Variants in RAB38 observed in about 807,000 individuals in gnomAD.
RAB38 encodes RAB38, member RAS oncogene family.
Under a neutral mutation model 18.4 loss-of-function variants are expected in RAB38, and 15 were observed. The ratio of observed to expected loss-of-function variants is 0.82; its 90% CI spans 0.55 to 1.26. The LOEUF is 1.26. Ranked by LOEUF, RAB38 falls within the 50% of genes most tolerant of loss-of-function variation. The probability of loss-of-function intolerance (pLI) is 0.00; values close to 1 mark genes in which losing one functional copy is unlikely to be tolerated. For missense variants in RAB38, 294 were observed against 267.4 expected (o/e 1.10, Z -0.69); for synonymous variants, 101 against 104.4 (o/e 0.97, Z 0.20).
At chr11:87,861,680 G>A in the RAB38 span, among the ~76,000 whole-genome samples, 11 of 151,898 alleles carry the variant, frequency 7.2e-5, no homozygotes, top group Admixed American at 2.6e-4. Flanking sequence ...CCCTCATAGC[G>A]AGTCCTCCAC....
At chr11:88,106,883 A>G in the RAB38 span, among the ~76,000 whole-genome samples, 1 of 152,190 alleles carries the variant, frequency 6.6e-6, no homozygotes, top group Non-Finnish European at 1.5e-5. Flanking sequence ...AACAGCTCAG[A>G]TGCAGCCAAG....
chr11:88,068,723 G>A, the RAB38 span, among the ~76,000 whole-genome samples: 1 of 152,174 alleles, frequency 6.6e-6, no homozygotes, highest in Non-Finnish European at 1.5e-5. Context: ...ATAAACTATT[G>A]CTGTTTGTGC....
At chr11:88,043,582 C>A in the RAB38 span, among the ~76,000 whole-genome samples, 2 of 150,722 alleles carry the variant, frequency 1.3e-5, no homozygotes, top group Non-Finnish European at 3.0e-5. Context: ...CTCAAAAGCT[C>A]CCCCACTGAG....
chr11:87,838,165 A>G, the RAB38 span, among the ~76,000 whole-genome samples: 1 of 150,910 alleles, frequency 6.6e-6, no homozygotes, highest in South Asian at 2.1e-4. Context: ...CCCAGGTTGG[A>G]GTGCAGTGGC....
chr11:87,823,384 G>A, the RAB38 span, among the ~76,000 whole-genome samples: 1 of 143,020 alleles, frequency 7.0e-6, no homozygotes, highest in Non-Finnish European at 1.5e-5. Flanking sequence ...TAAAATCCCA[G>A]CATTTTTTTT....
the RAB38 span, among the ~76,000 whole-genome samples, chr11:87,901,305 TATG>T: frequency 1.3e-5 from 2 of 151,588 alleles, no homozygotes; most frequent in Non-Finnish European, 3.0e-5. Flanking sequence ...AGGCGTATAA[TATG>T]ATAACAATAA....
chr11:87,893,390 A>ATATATATATATATATATATATATTTTT, the RAB38 span, among the ~76,000 whole-genome samples: 7 of 93,876 alleles, frequency 7.5e-5, no homozygotes, highest in Admixed American at 2.9e-4. Flanking sequence ...ATATATATAT[A>ATATATATATATATATATATATATTTTT]TTTTTTTTTT....
chr11:88,169,961 T>C (rs1943289445), intron 1 of RAB38, among the ~76,000 whole-genome samples: 2 of 152,230 alleles, frequency 1.3e-5, no homozygotes, highest in South Asian at 4.1e-4. Context: ...CCAGGCACTT[T>C]ATATATACAT....
At chr11:87,977,353 T>A in the RAB38 span, among the ~76,000 whole-genome samples, 2 of 118,258 alleles carry the variant, frequency 1.7e-5, no homozygotes, top group Admixed American at 9.8e-5. Flanking sequence ...TTATATATTA[T>A]ATAAGTATAT....
the RAB38 span, among the ~76,000 whole-genome samples, chr11:87,956,781 C>T: frequency 6.6e-6 from 1 of 151,948 alleles, no homozygotes. Context: ...ACCCGCATTC[C>T]AGAGGAGTAC....
At chr11:88,054,858 A>G in the RAB38 span, among the ~76,000 whole-genome samples, 3 of 152,332 alleles carry the variant, frequency 2.0e-5, no homozygotes, top group East Asian at 5.8e-4. Flanking sequence ...CCTTAAGTCT[A>G]CCATGGTCCT....
At chr11:87,858,742 T>C in the RAB38 span, among the ~76,000 whole-genome samples, 1 of 151,976 alleles carries the variant, frequency 6.6e-6, no homozygotes, top group African/African-American at 2.4e-5. Context: ...CTGGTAACAA[T>C]GGCATAGGAA....
chr11:88,080,612 C>G, the RAB38 span, among the ~76,000 whole-genome samples: 1 of 151,670 alleles, frequency 6.6e-6, no homozygotes, highest in Non-Finnish European at 1.5e-5. Flanking sequence ...AGTTGGAAAA[C>G]CCACGTAAAC....
chr11:88,037,835 A>G, the RAB38 span, among the ~76,000 whole-genome samples: 12 of 152,186 alleles, frequency 7.9e-5, no homozygotes, highest in Admixed American at 2.6e-4. Context: ...TGTGTATCTT[A>G]TATATCTTCT....
At chr11:87,863,141 A>T in the RAB38 span, among the ~76,000 whole-genome samples, 1 of 151,878 alleles carries the variant, frequency 6.6e-6, no homozygotes, top group Non-Finnish European at 1.5e-5. Context: ...ATAGTAGATG[A>T]GCGGGACTAG....
At chr11:87,835,387 T>A in the RAB38 span, among the ~76,000 whole-genome samples, 1 of 152,080 alleles carries the variant, frequency 6.6e-6, no homozygotes, top group African/African-American at 2.4e-5. Context: ...CTCTGAAGTG[T>A]TTGGAATAAA....
chr11:87,849,257 G>T, the RAB38 span, among the ~76,000 whole-genome samples: 4 of 152,088 alleles, frequency 2.6e-5, no homozygotes, highest in Non-Finnish European at 5.9e-5. Context: ...ACCCAAGTTT[G>T]CCCAGGACAA....
chr11:88,060,750 C>T, the RAB38 span, among the ~76,000 whole-genome samples: 1 of 152,158 alleles, frequency 6.6e-6, no homozygotes, highest in African/African-American at 2.4e-5. Flanking sequence ...AGTAGCACCA[C>T]CCCCAGTTGT....
At chr11:87,890,785 A>G in the RAB38 span, among the ~76,000 whole-genome samples, 1 of 151,898 alleles carries the variant, frequency 6.6e-6, no homozygotes, top group South Asian at 2.1e-4. Flanking sequence ...ATTTTTCAAG[A>G]AAAATTTGAT....
Sources: allele counts gnomAD v4.1 joint callset (sites outside exome capture counted in the v4.1 genomes callset), GRCh38; gene constraint gnomAD v4.1.1; transcripts MANE v1.5; gene names NCBI Gene and HGNC (gene_info 2026-07-23, HGNC 2026-07-21).